OLA1: variants seen among roughly 807,000 people sequenced by gnomAD.
OLA1 encodes obg-like ATPase 1.
Under a neutral mutation model 48.4 loss-of-function variants are expected in OLA1, and 14 were observed. The observed-to-expected ratio is 0.29, with a 90% confidence interval of 0.19 to 0.45. OLA1 has a LOEUF of 0.45. OLA1 is among the 20% of genes least tolerant of loss of function. The pLI, the probability that OLA1 is intolerant of heterozygous loss-of-function variation, is 1.00. For synonymous variants in OLA1, 127 were observed against 150.4 expected (o/e 0.84, Z 1.14); for missense variants, 325 against 467.1 (o/e 0.70, Z 2.80).
At chr2:174,106,436 A>G (rs1460627037) in intron 7 of OLA1, among the ~76,000 whole-genome samples, 1 of 152,104 alleles carries the variant, frequency 6.6e-6, no homozygotes, top group Non-Finnish European at 1.5e-5. Context: ...ATGGTAAATT[A>G]CTCAATTGCA....
chr2:174,132,832 T>C (rs944245001), intron 5 of OLA1, among the ~76,000 whole-genome samples: 2 of 152,232 alleles, frequency 1.3e-5, no homozygotes, highest in East Asian at 3.8e-4. Flanking sequence ...TGTGGTATCC[T>C]ATATATGTCA....
intron 4 of OLA1, 150 bp downstream of exon 4, chr2:174,222,883 A>G: frequency 1.3e-6 from 1 of 745,960 alleles, no homozygotes; most frequent in Non-Finnish European, 2.1e-6. Context: ...ACTAAGTAAC[A>G]TTAAAGTCAC....
In OLA1 at chr2:174,168,921, G is replaced by A. The variant is rs144928228; in HGVS notation, c.374-26921C>T. Among the ~76,000 whole-genome samples the A allele has an allele frequency of 5.3e-5, 8 of 150,718 alleles. No individual in the cohort carries two copies. In the East Asian group the frequency reaches 1.4e-3, roughly 26 times the overall value. ...AGAATAAAAACGAACAGAGCCTCAG[G>A]GACCTACTAGATAATATAAAATGGT... On this transcript the variant is annotated intron_variant, in intron 4 of 10. Coordinates refer to ENST00000284719, the MANE Select transcript of OLA1 (RefSeq NM_013341.5).
chr2:174,125,265 A>T (rs562624119), intron 5 of OLA1, among the ~76,000 whole-genome samples: 1 of 152,342 alleles, frequency 6.6e-6, no homozygotes, highest in East Asian at 1.9e-4. Flanking sequence ...TGTGCGTCAC[A>T]CTGGCCACCT....
chr2:174,181,071 G>A (rs1687522509), intron 4 of OLA1, among the ~76,000 whole-genome samples: 1 of 152,126 alleles, frequency 6.6e-6, no homozygotes, highest in Non-Finnish European at 1.5e-5. Context: ...AAATATTGAA[G>A]AGCACCCACA....
In OLA1 at chr2:174,075,276, T is replaced by A; in HGVS notation, c.*150A>T. 3.6e-6 allele frequency: 2 copies of A among 555,660 alleles called. No individual in the cohort carries two copies. The highest frequency in any genetic ancestry group is 1.9e-5 in the African/African-American group (1 of 51,300). The allele number at this position is 555,660 out of a possible 1,614,324, so 34.4% of individuals were successfully genotyped here. A position where few individuals can be genotyped will look rare whatever the true frequency, so the allele number is the denominator to read the frequency against. ...CATGGGGGGGGGGGGGTACACAGTA[T>A]TTTAATTTTAAAACAAATAAAAATA... On this transcript the variant is annotated 3_prime_UTR_variant, in exon 11 of 11. Coordinates refer to ENST00000284719, the MANE Select transcript of OLA1 (RefSeq NM_013341.5).
At chr2:174,171,292 A>G (rs970787452) in intron 4 of OLA1, among the ~76,000 whole-genome samples, 1 of 152,250 alleles carries the variant, frequency 6.6e-6, no homozygotes, top group African/African-American at 2.4e-5. Context: ...CGAAATATTT[A>G]TAGAACATTA....
At chr2:174,162,579 TTGTG>T (rs1687034806) in intron 4 of OLA1, among the ~76,000 whole-genome samples, 1 of 152,206 alleles carries the variant, frequency 6.6e-6, no homozygotes, top group Non-Finnish European at 1.5e-5. Flanking sequence ...AGATTTTTAT[TTGTG>T]TGTATTTTCA....
chr2:174,157,283 AAGTGATT>A (rs1158916054), intron 4 of OLA1, among the ~76,000 whole-genome samples: 1 of 152,218 alleles, frequency 6.6e-6, no homozygotes, highest in African/African-American at 2.4e-5. Context: ...CTGCTTTCAA[AAGTGATT>A]ACAGCCTAAC....
intron 4 of OLA1, among the ~76,000 whole-genome samples, chr2:174,210,413 T>C (rs13024920): frequency 0.12 from 18,104 of 152,188 alleles, 1,371 homozygotes; most frequent in East Asian, 0.21. Context: ...TTTTATATAT[T>C]ACATATACAT....
chr2:174,189,016 G>A (rs926771960), intron 4 of OLA1, among the ~76,000 whole-genome samples: 4 of 152,098 alleles, frequency 2.6e-5, no homozygotes, highest in African/African-American at 9.7e-5. Context: ...TTGGCATATT[G>A]ATGAAACAGA....
chr2:174,231,288 G>A (rs1208585209), intron 2 of OLA1, among the ~76,000 whole-genome samples: 1 of 152,060 alleles, frequency 6.6e-6, no homozygotes, highest in Non-Finnish European at 1.5e-5. Flanking sequence ...TGGAAATATT[G>A]CAGAATAATG....
intron 4 of OLA1, among the ~76,000 whole-genome samples, chr2:174,213,442 G>A (rs1027946260): frequency 2.6e-5 from 4 of 151,592 alleles, no homozygotes; most frequent in African/African-American, 9.7e-5. Flanking sequence ...AACTTCTAAC[G>A]ACAGCTTTAA....
intron 2 of OLA1, among the ~76,000 whole-genome samples, chr2:174,229,925 T>C (rs1477917895): frequency 6.6e-6 from 1 of 152,142 alleles, no homozygotes; most frequent in Non-Finnish European, 1.5e-5. Flanking sequence ...AAATGGGAGG[T>C]TGGCACTCAG....
At chr2:174,148,772 T>C (rs888818209) in intron 4 of OLA1, among the ~76,000 whole-genome samples, 57 of 152,150 alleles carry the variant, frequency 3.7e-4, no homozygotes, top group South Asian at 4.1e-4. Flanking sequence ...AGCAGTAAAA[T>C]AGACAACATC....
chr2:174,111,617 T>C (rs1435737867), intron 7 of OLA1, among the ~76,000 whole-genome samples: 1 of 152,202 alleles, frequency 6.6e-6, no homozygotes, highest in Admixed American at 6.5e-5. Context: ...GTATACAATG[T>C]TCATTATATT....
intron 4 of OLA1, among the ~76,000 whole-genome samples, chr2:174,201,820 C>T (rs557041008): frequency 1.3e-5 from 2 of 152,122 alleles, no homozygotes; most frequent in Admixed American, 1.3e-4. Context: ...AATGGGAAAA[C>T]GCTGGGTAAA....
At chr2:174,165,998 G>A (rs954548160) in intron 4 of OLA1, among the ~76,000 whole-genome samples, 7 of 152,082 alleles carry the variant, frequency 4.6e-5, no homozygotes, top group African/African-American at 1.7e-4. Context: ...GGTGGCATGT[G>A]CCTGTAGTCC....
chr2:174,131,388 T>C (rs1254258121), intron 5 of OLA1, among the ~76,000 whole-genome samples: 2 of 152,150 alleles, frequency 1.3e-5, no homozygotes, highest in Non-Finnish European at 2.9e-5. Context: ...GTTTACACTT[T>C]AAGGCTATTA....
Sources: allele counts gnomAD v4.1 joint callset (sites outside exome capture counted in the v4.1 genomes callset), GRCh38; gene constraint gnomAD v4.1.1; transcripts MANE v1.5; gene names NCBI Gene and HGNC (gene_info 2026-07-23, HGNC 2026-07-21).